PTPRG: variants seen among roughly 807,000 people sequenced by gnomAD.
The protein encoded by PTPRG is protein tyrosine phosphatase receptor type G.
In PTPRG, 102 loss-of-function variants were observed where a neutral mutation model predicts 165.3. The ratio of observed to expected loss-of-function variants is 0.62; its 90% CI spans 0.53 to 0.73. PTPRG has a LOEUF of 0.73. Among genes scored for constraint, PTPRG ranks in the 30% least tolerant of loss-of-function variants. The pLI is 0.00. For missense variants in PTPRG, 1,866 were observed against 1,861.4 expected, an observed-to-expected ratio of 1.00 and a Z score of -0.05; for synonymous variants, 675 against 669.5, an observed-to-expected ratio of 1.01 and a Z score of -0.13.
At chr3:61,828,292 A>G (rs1424309545) in intron 2 of PTPRG, among the ~76,000 whole-genome samples, 1 of 152,258 alleles carries the variant, frequency 6.6e-6, no homozygotes, top group Non-Finnish European at 1.5e-5. Flanking sequence ...CCTGGGTGAC[A>G]CAGTATGGAA....
chr3:62,033,764 T>A (rs188792119), intron 4 of PTPRG, among the ~76,000 whole-genome samples: 125 of 152,218 alleles, frequency 8.2e-4, no homozygotes, highest in African/African-American at 2.7e-3. Context: ...CCCTCATTGT[T>A]GACTGATGAT....
At position 62,074,401 on chromosome 3, in the gene PTPRG, G is replaced by C. The variant is rs1285239150; in HGVS notation, c.520-3762G>C. 4.4e-5 allele frequency among the ~76,000 whole-genome samples: 6 copies of C among 135,194 alleles called. No individual in the cohort carries two copies. The South Asian group carries it at 1.2e-3, about 27-fold the overall frequency. The allele number at this position is 135,194 out of a possible 152,430, so 88.7% of individuals were successfully genotyped here. A position where few individuals can be genotyped will look rare whatever the true frequency, so the allele number is the denominator to read the frequency against. ...GACAGGATCTTGCTCTGTCACTCAG[G>C]CTGGAGTGCAGTGGAGCCCTCAGTA... On this transcript the variant is annotated intron_variant, in intron 4 of 29. Coordinates refer to ENST00000474889, the MANE Select transcript of PTPRG (RefSeq NM_002841.4).
At chr3:62,043,682 C>T (rs1004261261) in intron 4 of PTPRG, among the ~76,000 whole-genome samples, 13 of 152,070 alleles carry the variant, frequency 8.5e-5, no homozygotes, top group Non-Finnish European at 1.9e-4. Flanking sequence ...AAGCTTTGGT[C>T]GTGAATTTAA....
intron 2 of PTPRG, among the ~76,000 whole-genome samples, chr3:61,895,287 C>T (rs1012138441): frequency 6.6e-6 from 1 of 152,006 alleles, no homozygotes; most frequent in Non-Finnish European, 1.5e-5. Flanking sequence ...TTTCTTGGAC[C>T]GTACTTTTAG....
chr3:62,142,477 G>A (rs1034363293), intron 6 of PTPRG, among the ~76,000 whole-genome samples: 7 of 152,078 alleles, frequency 4.6e-5, no homozygotes, highest in South Asian at 2.1e-4. Flanking sequence ...TGTTTTGCAC[G>A]CCTTTCTGCA....
At chr3:62,196,573 G>T (rs1699968072) in intron 10 of PTPRG, among the ~76,000 whole-genome samples, 1 of 152,126 alleles carries the variant, frequency 6.6e-6, no homozygotes, top group African/African-American at 2.4e-5. Flanking sequence ...GCAGCTGTGG[G>T]CTGTAGCCAC....
intron 1 of PTPRG, among the ~76,000 whole-genome samples, chr3:61,573,035 A>G (rs2106777926): frequency 6.6e-6 from 1 of 152,338 alleles, no homozygotes; most frequent in Non-Finnish European, 1.5e-5. Flanking sequence ...CTTGCTTATG[A>G]AGCTGAAGCT....
intron 2 of PTPRG, among the ~76,000 whole-genome samples, chr3:61,802,442 G>A (rs2035278595): frequency 6.6e-6 from 1 of 152,204 alleles, no homozygotes; most frequent in Non-Finnish European, 1.5e-5. Context: ...AGATATGTTA[G>A]AGGAAAGGTT....
chr3:62,206,912 CA>C (rs556974355), intron 12 of PTPRG, among the ~76,000 whole-genome samples: 72 of 37,336 alleles, frequency 1.9e-3, no homozygotes, highest in East Asian at 0.01. Context: ...GACTCTGTCT[CA>C]AAAAAAAAAA....
intron 2 of PTPRG, among the ~76,000 whole-genome samples, chr3:61,765,525 A>T (rs1004579414): frequency 1.3e-5 from 2 of 152,194 alleles, no homozygotes; most frequent in African/African-American, 4.8e-5. Context: ...AAGCCCCTAC[A>T]GCACCCTGAG....
At chr3:61,660,108 C>T (rs1702617751) in intron 1 of PTPRG, among the ~76,000 whole-genome samples, 1 of 152,054 alleles carries the variant, frequency 6.6e-6, no homozygotes, top group African/African-American at 2.4e-5. Context: ...GCCTGTAGTC[C>T]CAGCTACTCA....
At chr3:61,596,423 C>T (rs1416596840) in intron 1 of PTPRG, among the ~76,000 whole-genome samples, 1 of 138,204 alleles carries the variant, frequency 7.2e-6, no homozygotes, top group East Asian at 2.1e-4. Context: ...AACACAGAAT[C>T]TGTTTCAATT....
chr3:62,292,641 G>C, intron 29 of PTPRG, 85 bp downstream of exon 29: 1 of 1,498,596 alleles, frequency 6.7e-7, no homozygotes. Context: ...CTCAATTGGG[G>C]GTGATTTTGC....
In PTPRG at chr3:62,065,030, C is replaced by A. The variant is rs377604655; in HGVS notation, c.520-13133C>A. Among the ~76,000 whole-genome samples the A allele has an allele frequency of 2.0e-5, 3 of 152,092 alleles. No individual in the cohort carries two copies. In the East Asian group the frequency reaches 5.8e-4, roughly 29 times the overall value. ...TATAGGTGTGAGCCACTGCACCCAG[C>A]CTTGTTTGGAAATTTTTAAATGAGA... On this transcript the variant is annotated intron_variant, in intron 4 of 29. Coordinates refer to ENST00000474889, the MANE Select transcript of PTPRG (RefSeq NM_002841.4).
chr3:61,943,034 G>A (rs945786985), intron 2 of PTPRG, among the ~76,000 whole-genome samples: 20 of 152,230 alleles, frequency 1.3e-4, no homozygotes, highest in African/African-American at 4.1e-4. Flanking sequence ...GGGACTTTAC[G>A]CCAGGTATGC....
In PTPRG at chr3:62,245,840, G is replaced by A. The variant is rs1207009865; in HGVS notation, c.2467+1942G>A. On this transcript the variant is annotated intron_variant, in intron 15 of 29. Coordinates refer to ENST00000474889, the MANE Select transcript of PTPRG (RefSeq NM_002841.4). The surrounding 1 kb of genome is among the most constrained non-coding windows in gnomAD (Gnocchi z 4.2). The stretch of plus-strand genomic sequence containing the variant: ...ATGTTAAAATTGTGTCCCTGACACC[G>A]AACTACATCCACTAGGTGTGCCCTA... 2.6e-5 allele frequency among the ~76,000 whole-genome samples: 4 copies of A among 152,038 alleles called. No homozygotes were observed. The highest frequency in any genetic ancestry group is 6.6e-5 in the Admixed American group (1 of 15,266).
At chr3:61,973,851 A>C (rs1253057904) in intron 2 of PTPRG, among the ~76,000 whole-genome samples, 3 of 151,986 alleles carry the variant, frequency 2.0e-5, no homozygotes, top group South Asian at 2.1e-4. Context: ...TAAATAAATA[A>C]ATAAATAAAA....
intron 5 of PTPRG, among the ~76,000 whole-genome samples, chr3:62,083,207 T>C (rs1447102647): frequency 6.6e-6 from 1 of 152,124 alleles, no homozygotes; most frequent in Non-Finnish European, 1.5e-5. Context: ...ATATAAAATA[T>C]CAGAAGTTAT....
intron 1 of PTPRG, among the ~76,000 whole-genome samples, chr3:61,635,679 C>A (rs1701890089): frequency 6.6e-6 from 1 of 152,028 alleles, no homozygotes; most frequent in Admixed American, 6.6e-5. Flanking sequence ...TTGTTGACTT[C>A]TTTTTACAAA....
Sources: allele counts gnomAD v4.1 joint callset (sites outside exome capture counted in the v4.1 genomes callset), GRCh38; gene constraint gnomAD v4.1.1; non-coding constraint Gnocchi (gnomAD v3.1); transcripts MANE v1.5; gene names NCBI Gene and HGNC (gene_info 2026-07-23, HGNC 2026-07-21).